STRBP: variants seen among roughly 807,000 people sequenced by gnomAD.
STRBP encodes spermatid perinuclear RNA-binding protein.
Under a neutral mutation model 80.1 loss-of-function variants are expected in STRBP, and 13 were observed. The ratio of observed to expected loss-of-function variants is 0.16; its 90% CI spans 0.11 to 0.26. The LOEUF (loss-of-function observed/expected upper bound fraction) is 0.26. Among genes scored for constraint, STRBP ranks in the 10% least tolerant of loss-of-function variants. The pLI is 1.00. For synonymous variants in STRBP, 284 were observed against 291.2 expected, an observed-to-expected ratio of 0.98 and a Z score of 0.25; for missense variants, 485 against 815.2, an observed-to-expected ratio of 0.59 and a Z score of 4.93.
chr9:123,142,669 T>G (rs1032602769), intron 13 of STRBP, among the ~76,000 whole-genome samples: 1 of 152,208 alleles, frequency 6.6e-6, no homozygotes, highest in Non-Finnish European at 1.5e-5. Flanking sequence ...CTTGTCCATG[T>G]TGAAGTCAGA....
intron 1 of STRBP, among the ~76,000 whole-genome samples, chr9:123,265,279 C>T (rs938615700): frequency 6.6e-6 from 1 of 151,938 alleles, no homozygotes. Context: ...GGCAAGATTC[C>T]CACTTCCACT....
intron 11 of STRBP, among the ~76,000 whole-genome samples, chr9:123,156,630 G>A (rs1049542042): frequency 4.0e-5 from 6 of 150,112 alleles, no homozygotes; most frequent in African/African-American, 1.5e-4. Flanking sequence ...CATGTCACAT[G>A]TAGCCTCTGG....
intron 2 of STRBP, among the ~76,000 whole-genome samples, chr9:123,198,780 T>TA (rs2039201462): frequency 6.6e-6 from 1 of 152,216 alleles, no homozygotes; most frequent in Non-Finnish European, 1.5e-5. Context: ...TAGTGAGAGA[T>TA]AGACAGTTTC....
chr9:123,147,691 A>C (rs1232585674), intron 12 of STRBP, 87 bp downstream of exon 12: 3 of 1,140,338 alleles, frequency 2.6e-6, no homozygotes, highest in African/African-American at 1.6e-5. Context: ...AAAAAAAAAA[A>C]AAAAAAAACC....
intron 11 of STRBP, among the ~76,000 whole-genome samples, chr9:123,151,821 A>G (rs1172559357): frequency 1.3e-5 from 2 of 152,180 alleles, no homozygotes; most frequent in East Asian, 3.8e-4. Flanking sequence ...AAGGAAAACT[A>G]CAGAAAAGAG....
At chr9:123,230,832 G>A (rs1022814651) in intron 2 of STRBP, among the ~76,000 whole-genome samples, 5 of 152,126 alleles carry the variant, frequency 3.3e-5, no homozygotes, top group African/African-American at 1.2e-4. Flanking sequence ...AAGAACACAT[G>A]TGCATCATTA....
chr9:123,181,877 T>G (rs975392549), intron 3 of STRBP, among the ~76,000 whole-genome samples: 3 of 145,202 alleles, frequency 2.1e-5, no homozygotes, highest in Non-Finnish European at 3.0e-5. Flanking sequence ...CAGAGAAATC[T>G]TATTTACTCA....
In STRBP at chr9:123,239,404, C is replaced by T. The variant is rs570595174; in HGVS notation, c.-301-2438G>A. Among the ~76,000 whole-genome samples, 8 of 152,124 alleles carry T rather than the reference C, an allele frequency of 5.3e-5. No individual in the cohort carries two copies. In the East Asian group the frequency reaches 1.4e-3, roughly 26 times the overall value. Reference sequence around the variant, plus strand: ...ACAAAAAAAAAAATGGAATGCCTATCGGGCTTTCCTCTTGTCTATCCAAAT... The same window carrying T: ...ACAAAAAAAAAAATGGAATGCCTATTGGGCTTTCCTCTTGTCTATCCAAAT... On this transcript the variant is annotated intron_variant, in intron 1 of 18. Coordinates refer to ENST00000348403, the MANE Select transcript of STRBP (RefSeq NM_018387.5).
chr9:123,122,630 C>G lies in STRBP; in HGVS notation c.*2967G>C, dbSNP rs932816999. The G allele has an allele frequency of 1.9e-6, 2 of 1,047,730 alleles. No individual in the cohort carries two copies. The highest frequency in any genetic ancestry group is 3.4e-5 in the African/African-American group (2 of 58,320). The allele number at this position is 1,047,730 out of a possible 1,614,324, so 64.9% of individuals were successfully genotyped here. A position where few individuals can be genotyped will look rare whatever the true frequency, so the allele number is the denominator to read the frequency against. On this transcript the variant is annotated 3_prime_UTR_variant, in exon 19 of 19. Transcript: ENST00000348403. Reference sequence around the variant, plus strand: ...GAAATCTACTGGACCAATTACCTTGCACAAGAGATGGGGTACTCCTGCAGC... The same window carrying G: ...GAAATCTACTGGACCAATTACCTTGGACAAGAGATGGGGTACTCCTGCAGC...
chr9:123,111,738 T>C, intron 3 of STRBP: 1 of 393,658 alleles, frequency 2.5e-6, no homozygotes, highest in South Asian at 1.9e-5. Context: ...AGTTTGTCAG[T>C]TTCCCTTCCA....
At chr9:123,263,653 T>C (rs2041206153) in intron 1 of STRBP, among the ~76,000 whole-genome samples, 1 of 152,066 alleles carries the variant, frequency 6.6e-6, no homozygotes, top group Non-Finnish European at 1.5e-5. Context: ...TTAAAAATCA[T>C]TCCCCCTCAA....
At chr9:123,139,908 G>A (rs1196720095) in intron 13 of STRBP, among the ~76,000 whole-genome samples, 1 of 152,174 alleles carries the variant, frequency 6.6e-6, no homozygotes, top group Admixed American at 6.5e-5. Flanking sequence ...GGATAATTGA[G>A]TTTAAATACA....
Position 123,200,734 on chromosome 9 carries a change from A to ATT in STRBP, c.-164-16438_-164-16437dup, listed in dbSNP as rs71390418. On this transcript the variant is annotated intron_variant, in intron 2 of 18. Transcript: ENST00000348403. ...AGGCGCCCCGCCACACACCCCGCTA[A>ATT]TTTTTTTTTTTTTTTTTTTTTTTTT... Among the ~76,000 whole-genome samples the ATT allele has an allele frequency of 1.9e-3, 71 of 37,506 alleles. 14 individuals are homozygous for ATT. Among genetic ancestry groups the ATT allele is most frequent in the South Asian group, 9.9e-3 (4 of 406 alleles). The allele number at this position is 37,506 out of a possible 152,430, so 24.6% of individuals were successfully genotyped here.
At chr9:123,222,528 A>T (rs1291753788) in intron 2 of STRBP, among the ~76,000 whole-genome samples, 1 of 152,212 alleles carries the variant, frequency 6.6e-6, no homozygotes, top group African/African-American at 2.4e-5. Flanking sequence ...TCAACAAATT[A>T]CTAATATCAG....
chr9:123,214,181 C>T (rs2039815972), intron 2 of STRBP, among the ~76,000 whole-genome samples: 1 of 148,642 alleles, frequency 6.7e-6, no homozygotes, highest in Non-Finnish European at 1.5e-5. Flanking sequence ...CACACACACA[C>T]ACAAAATGGA....
In STRBP at chr9:123,218,355, C is replaced by CTTT. The variant is rs10689260; in HGVS notation, c.-165+18472_-165+18474dup. Among the ~76,000 whole-genome samples, 311 of 102,440 alleles carry CTTT rather than the reference C, an allele frequency of 3.0e-3. 1 individual carries two copies. The highest frequency in any genetic ancestry group is 3.5e-3 in the Non-Finnish European group (198 of 55,880). The allele number at this position is 102,440 out of a possible 152,430, so 67.2% of individuals were successfully genotyped here. On this transcript the variant is annotated intron_variant, in intron 2 of 18. Transcript: ENST00000348403. ...CAGCTTATTTATACATTAAATATGA[C>CTTT]TTTTTTTTTTTTTTTTTTTTTTTTT...
intron 14 of STRBP, among the ~76,000 whole-genome samples, chr9:123,138,080 A>G (rs1168980644): frequency 1.3e-5 from 2 of 152,240 alleles, no homozygotes; most frequent in African/African-American, 2.4e-5. Context: ...GAAGAAATAA[A>G]TAAGGGCTTT....
intron 2 of STRBP, among the ~76,000 whole-genome samples, chr9:123,188,172 T>C (rs551711182): frequency 1.3e-5 from 2 of 152,306 alleles, no homozygotes; most frequent in South Asian, 4.1e-4. Context: ...GCATTTAAGG[T>C]TTCTCCATCT....
chr9:123,167,009 G>T (rs2037794627), intron 6 of STRBP, among the ~76,000 whole-genome samples: 1 of 152,138 alleles, frequency 6.6e-6, no homozygotes, highest in Non-Finnish European at 1.5e-5. Context: ...AATTTAAAAT[G>T]TAAATCGTGA....
Sources: gnomAD v4.1 joint callset for allele counts (sites outside exome capture counted in the v4.1 genomes callset) on GRCh38, gnomAD v4.1.1 for gene constraint, MANE v1.5 for transcripts, NCBI Gene and HGNC (gene_info 2026-07-23, HGNC 2026-07-21) for gene names.